MEIS2: variants seen among roughly 807,000 people sequenced by gnomAD.
MEIS2 encodes homeobox protein Meis2.
In MEIS2, 9 loss-of-function variants were observed where a neutral mutation model predicts 58.6. That is an observed-to-expected ratio of 0.15 (90% CI 0.09 to 0.27). MEIS2 has a LOEUF of 0.27. Ranked by LOEUF, MEIS2 falls within the 10% of genes least tolerant of loss-of-function variation. The pLI, the probability that MEIS2 is intolerant of heterozygous loss-of-function variation, is 1.00. For synonymous variants in MEIS2, 221 were observed against 228.4 expected (o/e 0.97, Z 0.29); for missense variants, 427 against 635.0 (o/e 0.67, Z 3.52).
At position 36,892,169 on chromosome 15, in the gene MEIS2, T is replaced by G; in HGVS notation, c.*4A>C. 1 of 1,614,088 alleles carries G rather than the reference T, an allele frequency of 6.2e-7. No homozygotes were observed. Among genetic ancestry groups the G allele is most frequent in the Non-Finnish European group, 8.5e-7 (1 of 1,179,926 alleles). On this transcript the variant is annotated 3_prime_UTR_variant, in exon 12 of 12. Coordinates refer to ENST00000561208, the MANE Select transcript of MEIS2 (RefSeq NM_170675.5). ...TGTTTCCTTTTCCCTTGAGTTCCCT[T>G]ATACTATTGGGCATGAATGTCCATA...
intron 8 of MEIS2, among the ~76,000 whole-genome samples, chr15:37,035,230 C>T (rs1567208858): frequency 6.6e-6 from 1 of 152,196 alleles, no homozygotes; most frequent in Non-Finnish European, 1.5e-5. Flanking sequence ...CCCCTCCCCT[C>T]ACAGTCACTC....
intron 9 of MEIS2, among the ~76,000 whole-genome samples, chr15:36,926,295 T>C (rs1018552674): frequency 6.6e-6 from 1 of 152,176 alleles, no homozygotes; most frequent in South Asian, 2.1e-4. Flanking sequence ...GAACCTATTT[T>C]GGGAGAGCAA....
intron 9 of MEIS2, among the ~76,000 whole-genome samples, chr15:36,922,786 ATTT>A (rs780945599): frequency 1.5e-5 from 2 of 136,884 alleles, no homozygotes. Flanking sequence ...TAATATTTGT[ATTT>A]TTTTTTTTTT....
intron 9 of MEIS2, among the ~76,000 whole-genome samples, chr15:36,941,496 G>A (rs1265963437): frequency 6.6e-6 from 1 of 152,150 alleles, no homozygotes; most frequent in Non-Finnish European, 1.5e-5. Context: ...ACTGGAATCA[G>A]AATCTTCTCT....
chr15:36,982,912 AT>A (rs2059974364), intron 8 of MEIS2, among the ~76,000 whole-genome samples: 1 of 151,964 alleles, frequency 6.6e-6, no homozygotes. Flanking sequence ...GACACTGAGA[AT>A]TTTTTCATAT....
chr15:36,993,095 G>A (rs8036294), intron 8 of MEIS2, among the ~76,000 whole-genome samples: 50,170 of 151,912 alleles, frequency 0.33, 8,783 homozygotes, highest in African/African-American at 0.4. Context: ...GCAGCAAAAT[G>A]TCAATGAATA....
At chr15:37,056,489 T>G (rs1888418401) in intron 7 of MEIS2, among the ~76,000 whole-genome samples, 1 of 152,136 alleles carries the variant, frequency 6.6e-6, no homozygotes, top group South Asian at 2.1e-4. Flanking sequence ...AAAAATGAAT[T>G]AAGAGGTTTA....
chr15:37,036,547 T>A, intron 8 of MEIS2: 1 of 269,540 alleles, frequency 3.7e-6, no homozygotes, highest in South Asian at 1.0e-4. Flanking sequence ...AATAACAAAT[T>A]TACTTATATA....
At chr15:36,938,799 T>C (rs943336287) in intron 9 of MEIS2, among the ~76,000 whole-genome samples, 14 of 152,200 alleles carry the variant, frequency 9.2e-5, no homozygotes, top group Non-Finnish European at 2.1e-4. Context: ...GACGAGGGAA[T>C]AGACACTGAG....
intron 7 of MEIS2, among the ~76,000 whole-genome samples, chr15:37,082,102 G>A (rs1419029011): frequency 2.0e-5 from 3 of 152,098 alleles, no homozygotes; most frequent in Admixed American, 2.0e-4. Flanking sequence ...TGGGACCTTG[G>A]TGACCTGTTA....
At chr15:37,004,526 C>T (rs1480806595) in intron 8 of MEIS2, among the ~76,000 whole-genome samples, 1 of 152,210 alleles carries the variant, frequency 6.6e-6, no homozygotes, top group Non-Finnish European at 1.5e-5. Context: ...GAAATGGCCT[C>T]AATAGATGAT....
intron 9 of MEIS2, among the ~76,000 whole-genome samples, chr15:36,936,027 G>T (rs1441931621): frequency 6.6e-6 from 1 of 151,752 alleles, no homozygotes; most frequent in African/African-American, 2.4e-5. Flanking sequence ...ACCCTTTAGG[G>T]CATCTTTTAA....
At position 36,985,078 on chromosome 15, in the gene MEIS2, A is replaced by AT. The variant is rs772734332; in HGVS notation, c.901-34679dup. ...TTTTCTTCAGTTGAGAGAATTTGTG[A>AT]TTTTTTTCCCTCTTATACTCTTGAC... is the stretch of plus-strand genomic sequence containing the variant. On this transcript the variant is annotated intron_variant, in intron 8 of 11. Transcript: ENST00000561208. 5.3e-5 allele frequency among the ~76,000 whole-genome samples: 8 copies of AT among 151,992 alleles called. No individual in the cohort carries two copies. In the East Asian group the frequency reaches 5.8e-4, roughly 11 times the overall value.
At chr15:36,970,577 CAGTGGA>C (rs1200693589) in intron 8 of MEIS2, among the ~76,000 whole-genome samples, 1 of 152,204 alleles carries the variant, frequency 6.6e-6, no homozygotes, top group African/African-American at 2.4e-5. Context: ...CTGTACAAAT[CAGTGGA>C]AGTGTCCACA....
At chr15:36,912,091 A>G (rs1322951563) in intron 9 of MEIS2, among the ~76,000 whole-genome samples, 1 of 152,134 alleles carries the variant, frequency 6.6e-6, no homozygotes, top group Non-Finnish European at 1.5e-5. Flanking sequence ...TTATGGTTCC[A>G]TTTTCATGGG....
chr15:36,942,060 C>A (rs2058395378), intron 9 of MEIS2, among the ~76,000 whole-genome samples: 1 of 152,122 alleles, frequency 6.6e-6, no homozygotes, highest in Admixed American at 6.6e-5. Context: ...AATCTCATAT[C>A]TCTAAATGTT....
At chr15:36,912,824 C>A (rs764270278) in intron 9 of MEIS2, among the ~76,000 whole-genome samples, 7 of 144,552 alleles carry the variant, frequency 4.8e-5, no homozygotes, top group East Asian at 2.1e-4. Context: ...ACTCACCCCC[C>A]ACTCCTGAAA....
chr15:36,968,253 T>C (rs1043435120), intron 8 of MEIS2, among the ~76,000 whole-genome samples: 3 of 152,196 alleles, frequency 2.0e-5, no homozygotes, highest in Non-Finnish European at 4.4e-5. Flanking sequence ...TCTGTGCTTC[T>C]AAAAAAATCA....
At chr15:37,043,187 C>T (rs1279364953) in intron 7 of MEIS2, among the ~76,000 whole-genome samples, 5 of 152,246 alleles carry the variant, frequency 3.3e-5, no homozygotes, top group Admixed American at 3.3e-4. Context: ...TCTCATTTCT[C>T]CCTAGTTCTA....
Sources: gnomAD v4.1 joint callset for allele counts (sites outside exome capture counted in the v4.1 genomes callset) on GRCh38, gnomAD v4.1.1 for gene constraint, MANE v1.5 for transcripts, NCBI Gene and HGNC (gene_info 2026-07-23, HGNC 2026-07-21) for gene names.